The following TXNDC16 variants were observed in gnomAD, a reference collection of about 807,000 sequenced individuals.
TXNDC16 encodes the protein thioredoxin domain-containing protein 16.
TXNDC16 carries 74 observed loss-of-function variants against 85.6 expected under a neutral mutation model. The observed-to-expected ratio is 0.86, with a 90% CI of 0.72 to 1.05. The LOEUF is 1.05. TXNDC16 is among the 50% of genes least tolerant of loss of function. The pLI is 0.00. For synonymous variants in TXNDC16, 335 were observed against 326.5 expected, an observed-to-expected ratio of 1.03 and a Z score of -0.28; for missense variants, 959 against 947.0, an observed-to-expected ratio of 1.01 and a Z score of -0.17.
chr14:52,502,394 C>A (rs1471047936), intron 9 of TXNDC16, among the ~76,000 whole-genome samples: 3 of 150,902 alleles, frequency 2.0e-5, no homozygotes, highest in Non-Finnish European at 3.0e-5. Flanking sequence ...CTGCATGGCA[C>A]AACTCTACAA....
chr14:52,536,788 T>C lies in TXNDC16; in HGVS notation c.323A>G (p.Asn108Ser), dbSNP rs1234738295. The change falls in exon 6 of 21, where the codon AAC (asparagine) becomes AGC (serine). Residue 108 changes from asparagine to serine, a missense_variant. Coordinates refer to ENST00000281741, the MANE Select transcript of TXNDC16 (RefSeq NM_020784.3). ...DLMKAYLFKG[N>S]ILLREFPTDT... ...AGTAGGGAATTCTCTGAGCAATATG[T>C]TGCCCCTATAAAAAGTTTAAAAACA... 4.4e-6 allele frequency: 7 copies of C among 1,608,760 alleles called. No homozygotes were observed. The highest frequency in any genetic ancestry group is 5.9e-6 in the Non-Finnish European group (7 of 1,177,286).
At chr14:52,507,761 A>T (rs149033226) in intron 9 of TXNDC16, among the ~76,000 whole-genome samples, 1 of 152,240 alleles carries the variant, frequency 6.6e-6, no homozygotes, top group Non-Finnish European at 1.5e-5. Context: ...ATAATGCCGC[A>T]TATCTATAAG....
chr14:52,551,083 G>A (rs974647501), intron 1 of TXNDC16, among the ~76,000 whole-genome samples: 4 of 152,028 alleles, frequency 2.6e-5, no homozygotes, highest in Admixed American at 2.0e-4. Context: ...GGATGTCTAG[G>A]TAACAGTGCT....
intron 6 of TXNDC16, among the ~76,000 whole-genome samples, chr14:52,527,480 A>G (rs1019823261): frequency 6.6e-6 from 1 of 152,174 alleles, no homozygotes; most frequent in African/African-American, 2.4e-5. Context: ...TCAAATGCTT[A>G]TATTTAGTGA....
chr14:52,550,718 A>G (rs1594772275), intron 1 of TXNDC16, among the ~76,000 whole-genome samples: 1 of 152,334 alleles, frequency 6.6e-6, no homozygotes, highest in Non-Finnish European at 1.5e-5. Context: ...GTGCACCTCA[A>G]TGATTATGGA....
At chr14:52,465,087 GA>G (rs968557298) in intron 16 of TXNDC16, among the ~76,000 whole-genome samples, 1 of 152,032 alleles carries the variant, frequency 6.6e-6, no homozygotes, top group Non-Finnish European at 1.5e-5. Context: ...AAACAAAGTA[GA>G]AAAAAATTGC....
At chr14:52,539,266 C>T (rs151299099) in intron 4 of TXNDC16, among the ~76,000 whole-genome samples, 1 of 152,144 alleles carries the variant, frequency 6.6e-6, no homozygotes, top group African/African-American at 2.4e-5. Flanking sequence ...GACATTTGCA[C>T]AAAGAACTGA....
At chr14:52,464,968 T>A (rs998604379) in intron 16 of TXNDC16, among the ~76,000 whole-genome samples, 4 of 152,108 alleles carry the variant, frequency 2.6e-5, no homozygotes, top group Non-Finnish European at 1.5e-5. Flanking sequence ...TATAAAGATA[T>A]GCTCTCTAGG....
intron 18 of TXNDC16, among the ~76,000 whole-genome samples, chr14:52,442,358 G>A (rs555715822): frequency 3.9e-5 from 6 of 152,178 alleles, no homozygotes; most frequent in Middle Eastern, 3.4e-3. Context: ...AAGTCACCAC[G>A]GCTAAGCAGG....
chr14:52,503,974 A>G (rs1214293845), intron 9 of TXNDC16, among the ~76,000 whole-genome samples: 1 of 152,240 alleles, frequency 6.6e-6, no homozygotes, highest in Non-Finnish European at 1.5e-5. Flanking sequence ...AAAGGGTATC[A>G]GTGATGGAAG....
intron 16 of TXNDC16, chr14:52,463,002 T>G (rs891961089): frequency 2.2e-6 from 1 of 455,590 alleles, no homozygotes; most frequent in Non-Finnish European, 4.4e-6. Flanking sequence ...ACAAAGGGGA[T>G]AGAACACAAA....
chr14:52,536,797 T>C lies in TXNDC16; in HGVS notation c.318-4A>G. 6.3e-7 allele frequency: 1 copy of C among 1,595,282 alleles called. No individual in the cohort carries two copies. Among genetic ancestry groups the C allele is most frequent in the Non-Finnish European group, 8.5e-7 (1 of 1,170,362 alleles). Reference sequence around the variant, plus strand: ...TTCTCTGAGCAATATGTTGCCCCTATAAAAAGTTTAAAAACATATTAATAT... The same window carrying C: ...TTCTCTGAGCAATATGTTGCCCCTACAAAAAGTTTAAAAACATATTAATAT... On this transcript the variant is annotated splice_region_variant and splice_polypyrimidine_tract_variant and intron_variant, in intron 5 of 20. Coordinates refer to ENST00000281741, the MANE Select transcript of TXNDC16 (RefSeq NM_020784.3).
chr14:52,514,658 C>T lies in TXNDC16; in HGVS notation c.605+222G>A, dbSNP rs534659668. On this transcript the variant is annotated intron_variant, in intron 8 of 20. Coordinates refer to ENST00000281741, the MANE Select transcript of TXNDC16 (RefSeq NM_020784.3). The stretch of plus-strand genomic sequence containing the variant: ...TCTTGTGGCTTATCCACACTGCCTT[C>T]GTTACCTTAGTCTAACATCACTTCG... Among the ~76,000 whole-genome samples, 31 of 152,180 alleles carry T rather than the reference C, an allele frequency of 2.0e-4. No homozygotes were observed. In the South Asian group the frequency reaches 2.9e-3, roughly 14 times the overall value.
chr14:52,544,824 A>G (rs2037908327), intron 1 of TXNDC16, among the ~76,000 whole-genome samples: 1 of 152,116 alleles, frequency 6.6e-6, no homozygotes, highest in Non-Finnish European at 1.5e-5. Context: ...CAAGAGTTCA[A>G]AAACTCAAAG....
chr14:52,449,875 A>T (rs2035367515), intron 18 of TXNDC16, among the ~76,000 whole-genome samples: 2 of 152,142 alleles, frequency 1.3e-5, no homozygotes, highest in South Asian at 4.1e-4. Flanking sequence ...TGAAGAAATT[A>T]AAAAAGAAAT....
At chr14:52,511,201 C>T (rs1182011383) in intron 9 of TXNDC16, 39 bp downstream of exon 9, 3 of 1,423,912 alleles carry the variant, frequency 2.1e-6, no homozygotes, top group Non-Finnish European at 1.9e-6. Context: ...ATTATACAGG[C>T]AGTAGAAAGC....
chr14:52,432,534 T>C lies in TXNDC16; in HGVS notation c.2248A>G (p.Ser750Gly). 6.2e-7 allele frequency: 1 copy of C among 1,612,800 alleles called. No individual in the cohort carries two copies. The change falls in exon 21 of 21, where the codon AGT becomes GGT. Residue 750 changes from serine (S) to glycine (G), a missense_variant. Physicochemically the swap from Ser to Gly is moderately conservative, Grantham distance 56. Coordinates refer to ENST00000281741, the MANE Select transcript of TXNDC16 (RefSeq NM_020784.3). ...KPPLPAYDFL[S>G]MIDAATSQRG... The stretch of plus-strand genomic sequence containing the variant: ...TGAGATGTTGCGGCATCTATCATAC[T>C]TAGAAAATCATAAGCTGGAAGAGGA...
At chr14:52,449,006 C>A (rs1278969381) in intron 18 of TXNDC16, among the ~76,000 whole-genome samples, 1 of 151,844 alleles carries the variant, frequency 6.6e-6, no homozygotes, top group Non-Finnish European at 1.5e-5. Flanking sequence ...CAGAGAAAAT[C>A]ACCTTCACTA....
At chr14:52,444,114 A>G (rs2140104918) in intron 18 of TXNDC16, among the ~76,000 whole-genome samples, 1 of 152,312 alleles carries the variant, frequency 6.6e-6, no homozygotes, top group African/African-American at 2.4e-5. Context: ...GGAATGGTAT[A>G]GACAACAGTT....
Sources: allele counts gnomAD v4.1 joint callset (sites outside exome capture counted in the v4.1 genomes callset), GRCh38; gene constraint gnomAD v4.1.1; transcripts MANE v1.5; gene names NCBI Gene and HGNC (gene_info 2026-07-23, HGNC 2026-07-21).